Variants in KIDINS220 observed in about 807,000 individuals in gnomAD.
KIDINS220 encodes the protein kinase D-interacting substrate of 220 kDa.
In KIDINS220, 63 loss-of-function variants were observed where a neutral mutation model predicts 157.6. The ratio of observed to expected loss-of-function variants is 0.40; its 90% confidence interval spans 0.33 to 0.49. The LOEUF (loss-of-function observed/expected upper bound fraction) is 0.49, where lower values mean the gene tolerates loss of function less well. Among genes scored for constraint, KIDINS220 ranks in the 20% least tolerant of loss-of-function variants. The pLI is 0.66. For missense variants in KIDINS220, 1,772 were observed against 2,171.2 expected, an observed-to-expected ratio of 0.82 and a Z score of 3.65; for synonymous variants, 732 against 783.6, an observed-to-expected ratio of 0.93 and a Z score of 1.10.
Position 8,750,404 on chromosome 2 carries a change from ATTC to A in KIDINS220, c.3191-72_3191-70del, listed in dbSNP as rs1019648266. The A allele has an allele frequency of 4.7e-6, 5 of 1,059,254 alleles. No individual in the cohort carries two copies. The African/African-American group carries it at 8.1e-5, about 17-fold the overall frequency. 65.6% of individuals were successfully genotyped at this position (1,059,254 alleles called of 1,614,324 possible). On this transcript the variant is annotated intron_variant, in intron 23 of 29. Transcript: ENST00000256707. ...CATTAGGAATCAGTCCAATTATCAC[ATTC>A]TTCTTTAGTTACTAGGCAGAAACAT...
At chr2:8,801,703 C>T (rs1209780861) in intron 8 of KIDINS220, among the ~76,000 whole-genome samples, 1 of 152,124 alleles carries the variant, frequency 6.6e-6, no homozygotes, top group Non-Finnish European at 1.5e-5. Flanking sequence ...GCCAGGAGTT[C>T]GAGACCAGCC....
intron 20 of KIDINS220, 101 bp from the exon 21 acceptor site, chr2:8,776,993 C>A: frequency 1.5e-6 from 2 of 1,301,478 alleles, no homozygotes; most frequent in South Asian, 1.5e-5. Flanking sequence ...AAAAAAAATC[C>A]AAAGTTTTAG....
At chr2:8,735,890 T>C (rs929646448) in intron 27 of KIDINS220, among the ~76,000 whole-genome samples, 2 of 152,150 alleles carry the variant, frequency 1.3e-5, no homozygotes, top group African/African-American at 4.8e-5. Flanking sequence ...AGAAAACCAC[T>C]ACCCCGATGG....
chr2:8,777,281 G>A (rs1026183133), intron 20 of KIDINS220, among the ~76,000 whole-genome samples: 1 of 152,122 alleles, frequency 6.6e-6, no homozygotes, highest in African/African-American at 2.4e-5. Flanking sequence ...TGGTTTTAAG[G>A]ATTCAGCATT....
chr2:8,751,019 TTTAAG>T (rs1298453197), intron 23 of KIDINS220, among the ~76,000 whole-genome samples: 5 of 152,178 alleles, frequency 3.3e-5, no homozygotes, highest in East Asian at 1.9e-4. Flanking sequence ...AGTCCCCAGA[TTTAAG>T]TTAATATCTG....
intron 17 of KIDINS220, among the ~76,000 whole-genome samples, chr2:8,781,153 A>ATATATTATATATAT (rs70946383): frequency 7.7e-6 from 1 of 130,410 alleles, no homozygotes; most frequent in African/African-American, 2.8e-5. Flanking sequence ...ATATATATAT[A>ATATATTATATATAT]ATATATATAT....
chr2:8,813,291 A>C lies in KIDINS220; in HGVS notation c.351T>G (p.Thr117=), dbSNP rs1676585410. 3 of 1,613,654 alleles carry C rather than the reference A, an allele frequency of 1.9e-6. No individual in the cohort carries two copies. Among genetic ancestry groups the C allele is most frequent in the Non-Finnish European group, 1.7e-6 (2 of 1,179,812 alleles). The stretch of plus-strand genomic sequence containing the variant: ...GAGAAAGAAGCAACTCTACTACGTC[A>C]GTACGGCCTTTGTAACATGCCCACA... ...ALMWACYKGR[T]DVVELLLSHG... Residue 117 remains threonine (T), a synonymous_variant, in exon 5 of 30, where the codon ACT becomes ACG. Coordinates refer to ENST00000256707, the MANE Select transcript of KIDINS220 (RefSeq NM_020738.4).
intron 4 of KIDINS220, among the ~76,000 whole-genome samples, chr2:8,815,669 AG>A (rs1355664284): frequency 6.6e-6 from 1 of 152,178 alleles, no homozygotes; most frequent in East Asian, 1.9e-4. Context: ...ACTCCGTCTC[AG>A]GGGGAAAAAA....
intron 11 of KIDINS220, among the ~76,000 whole-genome samples, chr2:8,795,253 G>T (rs1673747942): frequency 6.6e-6 from 1 of 152,156 alleles, no homozygotes. Flanking sequence ...GCTCCTGAAT[G>T]TCTTATCAGC....
Position 8,786,181 on chromosome 2 carries a change from A to G in KIDINS220, c.1939+25T>C. 3.7e-6 allele frequency: 6 copies of G among 1,613,584 alleles called. No homozygotes were observed. The Admixed American group carries it at 8.3e-5, about 22-fold the overall frequency. ...TATCCCACCCCCATCCCTTACACAC[A>G]AAGAAGGAAGGAAGGAAATCCTACC... On this transcript the variant is annotated intron_variant, in intron 16 of 29. Coordinates refer to ENST00000256707, the MANE Select transcript of KIDINS220 (RefSeq NM_020738.4).
At chr2:8,725,468 A>C (rs1480471013), downstream of KIDINS220, 1 of 152,204 alleles carries the variant, frequency 6.6e-6, no homozygotes, top group African/African-American at 2.4e-5. Context: ...AGAACAAATA[A>C]AACTAGTAGA....
chr2:8,818,866 C>A, intron 2 of KIDINS220, 73 bp from the exon 3 acceptor site: 3 of 720,886 alleles, frequency 4.2e-6, no homozygotes, highest in Non-Finnish European at 7.0e-6. Context: ...GTTAAATATA[C>A]CACACATTTT....
Position 8,806,270 on chromosome 2 carries a change from C to T in KIDINS220, c.603+1G>A. On this transcript the variant is annotated splice_donor_variant, in intron 7 of 29. Coordinates refer to ENST00000256707, the MANE Select transcript of KIDINS220 (RefSeq NM_020738.4). LOFTEE classifies it high-confidence loss of function. ...CAAGCATTAAAATATAAGATACTTA[C>T]AGCTCCTTCTTGATCCACATCAGCT... is the stretch of plus-strand genomic sequence containing the variant. 5 of 1,585,426 alleles carry T rather than the reference C, an allele frequency of 3.2e-6. No individual in the cohort carries two copies. The highest frequency in any genetic ancestry group is 2.2e-5 in the East Asian group (1 of 44,564).
intron 17 of KIDINS220, among the ~76,000 whole-genome samples, chr2:8,783,856 C>A (rs1378167618): frequency 6.6e-6 from 1 of 152,104 alleles, no homozygotes; most frequent in African/African-American, 2.4e-5. Flanking sequence ...GGTAGGAAGA[C>A]TCAATACTTG....
intron 22 of KIDINS220, among the ~76,000 whole-genome samples, chr2:8,756,224 C>A (rs1426763352): frequency 6.6e-6 from 1 of 152,116 alleles, no homozygotes; most frequent in Non-Finnish European, 1.5e-5. Flanking sequence ...ATATTTTATT[C>A]TTTTAGATGC....
chr2:8,771,113 A>G (rs1670162587), intron 21 of KIDINS220, among the ~76,000 whole-genome samples: 1 of 152,208 alleles, frequency 6.6e-6, no homozygotes, highest in Non-Finnish European at 1.5e-5. Context: ...GCAGGCAAAC[A>G]TCTTTCAGAA....
chr2:8,818,908 G>A (rs1677494329), intron 2 of KIDINS220, 115 bp from the exon 3 acceptor site: 1 of 472,190 alleles, frequency 2.1e-6, no homozygotes, highest in African/African-American at 2.0e-5. Context: ...GTTTAGTTGT[G>A]TTTACTATAT....
At chr2:8,834,419 AC>A in intron 1 of KIDINS220, among the ~76,000 whole-genome samples, 1 of 151,692 alleles carries the variant, frequency 6.6e-6, no homozygotes, top group East Asian at 2.0e-4. Flanking sequence ...AGCTTCTCTG[AC>A]CACCGTGTAT....
In KIDINS220 at chr2:8,730,541, G is replaced by A; in HGVS notation, c.*179C>T. ...ACAAAGACCACAGAGGCTGGCTGGT[G>A]AGCCATGCTTCTCATGCTCCCTTCT... On this transcript the variant is annotated 3_prime_UTR_variant, in exon 30 of 30. Coordinates refer to ENST00000256707, the MANE Select transcript of KIDINS220 (RefSeq NM_020738.4). 1.4e-6 allele frequency: 2 copies of A among 1,428,202 alleles called. No individual in the cohort carries two copies. The highest frequency in any genetic ancestry group is 1.4e-5 in the African/African-American group (1 of 69,678). The allele number at this position is 1,428,202 out of a possible 1,614,324, so 88.5% of individuals were successfully genotyped here. A position where few individuals can be genotyped will look rare whatever the true frequency, so the allele number is the denominator to read the frequency against.
Sources: allele counts gnomAD v4.1 joint callset (sites outside exome capture counted in the v4.1 genomes callset), GRCh38; gene constraint gnomAD v4.1.1; transcripts MANE v1.5; gene names NCBI Gene and HGNC (gene_info 2026-07-23, HGNC 2026-07-21).